The following TMEM87A variants were observed in gnomAD, a reference collection of about 807,000 sequenced individuals.
TMEM87A encodes the protein Golgi-pH regulating cation channel.
Under a neutral mutation model 90.0 loss-of-function variants are expected in TMEM87A, and 50 were observed. The ratio of observed to expected loss-of-function variants is 0.56; its 90% CI spans 0.44 to 0.70. The LOEUF is 0.70. Among genes scored for constraint, TMEM87A ranks in the 30% least tolerant of loss-of-function variants. The pLI, the probability that TMEM87A is intolerant of heterozygous loss-of-function variation, is 0.00. For synonymous variants in TMEM87A, 226 were observed against 226.7 expected (o/e 1.00, Z 0.03); for missense variants, 577 against 660.5 (o/e 0.87, Z 1.39).
At chr15:42,235,318 G>A (rs1284233076) in intron 10 of TMEM87A, among the ~76,000 whole-genome samples, 3 of 152,290 alleles carry the variant, frequency 2.0e-5, no homozygotes, top group African/African-American at 7.2e-5. Context: ...GGATTATGGC[G>A]TAAGCCACCA....
At chr15:42,217,169 G>T (rs986185602) in intron 19 of TMEM87A, among the ~76,000 whole-genome samples, 2 of 151,976 alleles carry the variant, frequency 1.3e-5, no homozygotes, top group African/African-American at 4.8e-5. Flanking sequence ...GCCCAGGCTG[G>T]TCTCAAGCTC....
intron 19 of TMEM87A, among the ~76,000 whole-genome samples, chr15:42,214,003 CAATAAA>C (rs1333886239): frequency 1.3e-5 from 2 of 151,934 alleles, no homozygotes; most frequent in African/African-American, 4.8e-5. Flanking sequence ...GTAAGAATTT[CAATAAA>C]AATATACAAA....
intron 8 of TMEM87A, among the ~76,000 whole-genome samples, chr15:42,237,995 A>G (rs536187436): frequency 0.3 from 8,253 of 27,462 alleles, 391 homozygotes; most frequent in Non-Finnish European, 0.47. Context: ...TCTCATATGT[A>G]TATATATATA....
At chr15:42,223,516 G>A (rs2050534561) in intron 15 of TMEM87A, among the ~76,000 whole-genome samples, 1 of 152,158 alleles carries the variant, frequency 6.6e-6, no homozygotes, top group Non-Finnish European at 1.5e-5. Flanking sequence ...GGGCCTAATG[G>A]AAGGCATTTA....
intron 10 of TMEM87A, 40 bp downstream of exon 10, chr15:42,236,280 C>A (rs1348534056): frequency 6.7e-7 from 1 of 1,499,240 alleles, no homozygotes; most frequent in East Asian, 2.3e-5. Flanking sequence ...ATTTAATCAG[C>A]ATTTTAATTT....
intron 7 of TMEM87A, among the ~76,000 whole-genome samples, chr15:42,242,905 G>C (rs1004939747): frequency 6.6e-6 from 1 of 152,086 alleles, no homozygotes; most frequent in African/African-American, 2.4e-5. Context: ...AATACAGCCA[G>C]TAAAGTCAGG....
Position 42,273,413 on chromosome 15 carries a change from A to C in TMEM87A, c.-15T>G, listed in dbSNP as rs779188133. The C allele has an allele frequency of 4.3e-6, 7 of 1,613,688 alleles. No individual in the cohort carries two copies. The highest frequency in any genetic ancestry group is 5.9e-6 in the Non-Finnish European group (7 of 1,179,956). On this transcript the variant is annotated 5_prime_UTR_variant, in exon 1 of 20. Transcript: ENST00000389834. Reference sequence around the variant, plus strand: ...GCCGCCGCCATCTTCACAGCCGTGGAGTGCCTACCGAAAGCATTTCACCCT... The same window carrying C: ...GCCGCCGCCATCTTCACAGCCGTGGCGTGCCTACCGAAAGCATTTCACCCT...
chr15:42,254,387 C>T (rs2051139701), intron 6 of TMEM87A, among the ~76,000 whole-genome samples: 1 of 152,172 alleles, frequency 6.6e-6, no homozygotes, highest in Non-Finnish European at 1.5e-5. Flanking sequence ...AACTTATGTC[C>T]ACATAAAAGC....
At chr15:42,267,266 T>C (rs2051425361) in intron 3 of TMEM87A, among the ~76,000 whole-genome samples, 1 of 152,204 alleles carries the variant, frequency 6.6e-6, no homozygotes, top group African/African-American at 2.4e-5. Flanking sequence ...CACACACAGG[T>C]AAAAGATACA....
In TMEM87A at chr15:42,211,077, AAACAAAAT is replaced by A; in HGVS notation, c.*623_*630del. ...AAAATCTTTAATATACACCATTTGT[AAACAAAAT>A]TGCACTTGATTTTGCTTTTTTAAAT... is the stretch of plus-strand genomic sequence containing the variant. On this transcript the variant is annotated 3_prime_UTR_variant, in exon 20 of 20. Coordinates refer to ENST00000389834, the MANE Select transcript of TMEM87A (RefSeq NM_015497.5). 1 of 152,656 alleles carries A rather than the reference AAACAAAAT, an allele frequency of 6.6e-6. No homozygotes were observed. Among genetic ancestry groups the A allele is most frequent in the East Asian group, 1.9e-4 (1 of 5,206 alleles). 9.5% of individuals were successfully genotyped at this position (152,656 alleles called of 1,614,324 possible).
intron 6 of TMEM87A, among the ~76,000 whole-genome samples, chr15:42,245,122 T>G (rs1458633673): frequency 6.6e-6 from 1 of 152,144 alleles, no homozygotes; most frequent in Non-Finnish European, 1.5e-5. Context: ...CAGATATCCA[T>G]TTACTAGGTT....
At chr15:42,234,846 A>G (rs111704868) in intron 10 of TMEM87A, among the ~76,000 whole-genome samples, 9,740 of 152,158 alleles carry the variant, frequency 0.064, 396 homozygotes, top group South Asian at 0.16. Flanking sequence ...CTCTTGACAC[A>G]ATCACTTCCT....
At chr15:42,218,921 A>G (rs1712422) in intron 17 of TMEM87A, 144,056 of 153,584 alleles carry the variant, frequency 0.94, 68,026 homozygotes, top group Non-Finnish European at 1. Flanking sequence ...TCCTTTAGGT[A>G]TATACCCAGT....
intron 3 of TMEM87A, 31 bp from the exon 4 acceptor site, chr15:42,264,234 C>G (rs1433164282): frequency 3.4e-6 from 5 of 1,484,320 alleles, no homozygotes; most frequent in East Asian, 2.3e-5. Flanking sequence ...GAGTAGTTAA[C>G]TCACCTTCCA....
At chr15:42,255,738 T>C (rs991958227) in intron 6 of TMEM87A, among the ~76,000 whole-genome samples, 1 of 152,012 alleles carries the variant, frequency 6.6e-6, no homozygotes, top group African/African-American at 2.4e-5. Flanking sequence ...AGAAGGGACA[T>C]GCAGAGGACC....
chr15:42,233,476 A>G (rs976937709), intron 10 of TMEM87A, among the ~76,000 whole-genome samples, 170 bp from the exon 11 acceptor site: 1 of 152,174 alleles, frequency 6.6e-6, no homozygotes, highest in East Asian at 1.9e-4. Flanking sequence ...TTAAAACAAG[A>G]TAGGGAACAC....
At chr15:42,222,836 A>G (rs897577254) in intron 15 of TMEM87A, among the ~76,000 whole-genome samples, 1 of 152,220 alleles carries the variant, frequency 6.6e-6, no homozygotes, top group African/African-American at 2.4e-5. Context: ...CTGGGATTAC[A>G]GGCATGAGCC....
chr15:42,227,696 G>A lies in TMEM87A; in HGVS notation c.1299+15C>T. ...ATAAGACAGTACATTATTCATAAAT[G>A]TGCTTATAACTCACCGACTGACATG... On this transcript the variant is annotated intron_variant, in intron 14 of 19. Coordinates refer to ENST00000389834, the MANE Select transcript of TMEM87A (RefSeq NM_015497.5). The A allele has an allele frequency of 6.2e-7, 1 of 1,609,444 alleles. No homozygotes were observed. The highest frequency in any genetic ancestry group is 8.5e-7 in the Non-Finnish European group (1 of 1,176,026).
At chr15:42,213,770 T>C (rs77867384) in intron 19 of TMEM87A, among the ~76,000 whole-genome samples, 2,176 of 152,154 alleles carry the variant, frequency 0.014, 46 homozygotes, top group African/African-American at 0.05. Flanking sequence ...TGCCAGTCCA[T>C]GAACACTGGA....
Sources: gnomAD v4.1 joint callset for allele counts (sites outside exome capture counted in the v4.1 genomes callset) on GRCh38, gnomAD v4.1.1 for gene constraint, MANE v1.5 for transcripts, NCBI Gene and HGNC (gene_info 2026-07-23, HGNC 2026-07-21) for gene names.